TNR: variants seen among roughly 807,000 people sequenced by gnomAD.
The protein encoded by TNR is tenascin R.
Under a neutral mutation model 150.4 loss-of-function variants are expected in TNR, and 45 were observed. The observed-to-expected ratio is 0.30, with a 90% CI of 0.24 to 0.38. The LOEUF is 0.38. TNR is among the 10% of genes least tolerant of loss of function. The pLI is 1.00. For missense variants in TNR, 1,544 were observed against 1,759.1 expected (o/e 0.88, Z 2.19); for synonymous variants, 687 against 678.4 (o/e 1.01, Z -0.20).
At chr1:175,446,080 A>C (rs2102087111) in intron 2 of TNR, among the ~76,000 whole-genome samples, 1 of 152,068 alleles carries the variant, frequency 6.6e-6, no homozygotes, top group African/African-American at 2.4e-5. Context: ...TTTCTTATGG[A>C]TGGATTTGCC....
intron 2 of TNR, among the ~76,000 whole-genome samples, chr1:175,409,602 G>T (rs561943334): frequency 6.6e-6 from 1 of 152,226 alleles, no homozygotes; most frequent in South Asian, 2.1e-4. Context: ...TAAAATATAG[G>T]ATAAAAGATA....
At chr1:175,481,266 T>G (rs893714292) in intron 2 of TNR, among the ~76,000 whole-genome samples, 4 of 152,216 alleles carry the variant, frequency 2.6e-5, no homozygotes, top group African/African-American at 9.7e-5. Context: ...GAATGTGAAT[T>G]ATCTAGACGA....
At chr1:175,439,967 T>C (rs1655704071) in intron 2 of TNR, among the ~76,000 whole-genome samples, 2 of 152,156 alleles carry the variant, frequency 1.3e-5, no homozygotes, top group Admixed American at 6.5e-5. Context: ...GACAGTGTGG[T>C]GATTCCTCAG....
chr1:175,629,093 G>A (rs73033332), intron 1 of TNR, among the ~76,000 whole-genome samples: 2,341 of 152,162 alleles, frequency 0.015, 60 homozygotes, highest in African/African-American at 0.054. Flanking sequence ...AGCTGTCTGC[G>A]GTGCACTGGG....
At chr1:175,436,584 G>A (rs1655520927) in intron 2 of TNR, among the ~76,000 whole-genome samples, 1 of 152,102 alleles carries the variant, frequency 6.6e-6, no homozygotes, top group South Asian at 2.1e-4. Flanking sequence ...ACACAGACTG[G>A]CAAATTGGAT....
intron 1 of TNR, among the ~76,000 whole-genome samples, chr1:175,647,435 C>CAAAAAAAAAA (rs397745737): frequency 8.2e-6 from 1 of 121,650 alleles, no homozygotes. Context: ...CTATTCGGTG[C>CAAAAAAAAAA]AAAAAAAAAA....
chr1:175,723,844 C>G (rs1341758712), intron 1 of TNR, among the ~76,000 whole-genome samples: 1 of 152,082 alleles, frequency 6.6e-6, no homozygotes, highest in Non-Finnish European at 1.5e-5. Context: ...GTACTCCAGC[C>G]TAGGCAACAG....
At chr1:175,331,007 T>TTCTTTCTTTCTTTCTTTCTC (rs1649732921) in intron 20 of TNR, among the ~76,000 whole-genome samples, 1 of 42,116 alleles carries the variant, frequency 2.4e-5, no homozygotes, top group African/African-American at 9.1e-5. Context: ...GATTCTTTCT[T>TTCTTTCTTTCTTTCTTTCTC]TCTTTCTTTC....
intron 1 of TNR, among the ~76,000 whole-genome samples, chr1:175,572,184 G>A (rs751063492): frequency 1.3e-5 from 2 of 152,146 alleles, no homozygotes; most frequent in African/African-American, 4.8e-5. Context: ...TCAGCAGAAC[G>A]ACCTCAGCCT....
chr1:175,380,910 G>A (rs1439310214), intron 8 of TNR, among the ~76,000 whole-genome samples: 1 of 152,248 alleles, frequency 6.6e-6, no homozygotes, highest in Non-Finnish European at 1.5e-5. Flanking sequence ...ATATGCAAAA[G>A]CAAGGCAAGT....
At chr1:175,661,593 G>A (rs905486945) in intron 1 of TNR, among the ~76,000 whole-genome samples, 1 of 152,030 alleles carries the variant, frequency 6.6e-6, no homozygotes, top group African/African-American at 2.4e-5. Flanking sequence ...AGCAGGGTGG[G>A]AGTAAAGCAA....
At chr1:175,549,596 C>T (rs1270024153) in intron 1 of TNR, among the ~76,000 whole-genome samples, 2 of 152,090 alleles carry the variant, frequency 1.3e-5, no homozygotes. Flanking sequence ...TAGAGGTGGG[C>T]CTGTCCTAAT....
At chr1:175,549,737 C>T (rs573760651) in intron 1 of TNR, among the ~76,000 whole-genome samples, 20 of 152,266 alleles carry the variant, frequency 1.3e-4, no homozygotes, top group Non-Finnish European at 2.8e-4. Flanking sequence ...TGAGATTCAT[C>T]AACAGCCAGC....
chr1:175,737,885 T>C (rs1469126022), intron 1 of TNR, among the ~76,000 whole-genome samples: 3 of 152,140 alleles, frequency 2.0e-5, no homozygotes, highest in Non-Finnish European at 4.4e-5. Flanking sequence ...CCTTCCCCCA[T>C]TATGAAGTTT....
chr1:175,500,750 G>A (rs947683437), intron 2 of TNR, among the ~76,000 whole-genome samples: 2 of 152,218 alleles, frequency 1.3e-5, no homozygotes, highest in African/African-American at 4.8e-5. Flanking sequence ...TGTCACAGAA[G>A]GGAAGTCTCC....
chr1:175,428,748 T>C (rs925289494), intron 2 of TNR, among the ~76,000 whole-genome samples: 12 of 152,242 alleles, frequency 7.9e-5, no homozygotes, highest in Admixed American at 1.3e-4. Context: ...TCAAGCTTTT[T>C]TCCCCCTGTG....
chr1:175,548,107 T>G (rs1403239280), intron 1 of TNR, among the ~76,000 whole-genome samples: 2 of 152,136 alleles, frequency 1.3e-5, no homozygotes, highest in Non-Finnish European at 2.9e-5. Flanking sequence ...GAGTCCATGG[T>G]GGACCAGGTG....
chr1:175,574,093 A>C (rs1662001892), intron 1 of TNR, among the ~76,000 whole-genome samples: 2 of 152,038 alleles, frequency 1.3e-5, no homozygotes, highest in East Asian at 1.9e-4. Flanking sequence ...TGGAGAGAAG[A>C]CCTGGGATGA....
chr1:175,395,495 A>T (rs1245398378), intron 5 of TNR, among the ~76,000 whole-genome samples: 2 of 152,038 alleles, frequency 1.3e-5, no homozygotes, highest in Non-Finnish European at 2.9e-5. Context: ...TCTCTGTATC[A>T]CTCATACCTC....
Sources: allele counts gnomAD v4.1 joint callset (sites outside exome capture counted in the v4.1 genomes callset), GRCh38; gene constraint gnomAD v4.1.1; transcripts MANE v1.5; gene names NCBI Gene and HGNC (gene_info 2026-07-23, HGNC 2026-07-21).